AKAP13: variants seen among roughly 807,000 people sequenced by gnomAD.
AKAP13 encodes the protein A-kinase anchor protein 13.
In AKAP13, 80 loss-of-function variants were observed where a neutral mutation model predicts 264.5. The observed-to-expected ratio is 0.30, with a 90% confidence interval of 0.25 to 0.36. The LOEUF (loss-of-function observed/expected upper bound fraction) is 0.36. Ranked by LOEUF, AKAP13 falls within the 10% of genes least tolerant of loss-of-function variation. The pLI, the probability that AKAP13 is intolerant of heterozygous loss-of-function variation, is 1.00. For missense variants in AKAP13, 3,712 were observed against 3,435.2 expected (o/e 1.08, Z -2.01); for synonymous variants, 1,380 against 1,250.2 (o/e 1.10, Z -2.19).
At chr15:85,731,509 A>G (rs2088029208) in intron 30 of AKAP13, among the ~76,000 whole-genome samples, 1 of 152,050 alleles carries the variant, frequency 6.6e-6, no homozygotes, top group Non-Finnish European at 1.5e-5. Flanking sequence ...TTTTATTCAT[A>G]CAGTCCTGTT....
chr15:85,716,526 T>A (rs558365477), intron 20 of AKAP13, among the ~76,000 whole-genome samples: 5 of 152,314 alleles, frequency 3.3e-5, no homozygotes, highest in African/African-American at 1.2e-4. Flanking sequence ...GTAAGATGCC[T>A]GCCTTCCCGT....
chr15:85,631,020 C>T (rs1202371649), intron 8 of AKAP13, among the ~76,000 whole-genome samples: 1 of 151,934 alleles, frequency 6.6e-6, no homozygotes, highest in Non-Finnish European at 1.5e-5. Context: ...AAACAACCAC[C>T]CAGATTTCCA....
intron 1 of AKAP13, among the ~76,000 whole-genome samples, chr15:85,431,329 A>G (rs866896315): frequency 6.6e-6 from 1 of 152,212 alleles, no homozygotes; most frequent in Non-Finnish European, 1.5e-5. Flanking sequence ...AACTCTTTAC[A>G]TTCATACCTT....
At chr15:85,704,218 T>C (rs1008088991) in intron 17 of AKAP13, among the ~76,000 whole-genome samples, 1 of 152,198 alleles carries the variant, frequency 6.6e-6, no homozygotes, top group Non-Finnish European at 1.5e-5. Context: ...GAAGACCTTT[T>C]TTGTCAGAGC....
chr15:85,422,900 T>C (rs1433616180), intron 1 of AKAP13, among the ~76,000 whole-genome samples: 1 of 152,278 alleles, frequency 6.6e-6, no homozygotes, highest in East Asian at 1.9e-4. Flanking sequence ...TATTGTGGGT[T>C]TGGTTTCAGA....
At chr15:85,684,531 G>A (rs2084788802) in intron 15 of AKAP13, 2 of 518,160 alleles carry the variant, frequency 3.9e-6, no homozygotes, top group South Asian at 2.4e-5. Flanking sequence ...ACCACTCAGA[G>A]CAAGACTGTC....
At chr15:85,381,159 C>T (rs921008500) in intron 1 of AKAP13, among the ~76,000 whole-genome samples, 4 of 152,070 alleles carry the variant, frequency 2.6e-5, no homozygotes, top group African/African-American at 9.7e-5. Flanking sequence ...GAATCCTTGC[C>T]CCGGGTCCCC....
intron 1 of AKAP13, among the ~76,000 whole-genome samples, chr15:85,453,686 CCTCAGACACT>C (rs2074174352): frequency 6.6e-6 from 1 of 151,206 alleles, no homozygotes; most frequent in Non-Finnish European, 1.5e-5. Flanking sequence ...CCCTCGGTTG[CCTCAGACACT>C]CTGAAGCTCT....
chr15:85,491,497 T>TTATA (rs67153738), intron 2 of AKAP13, among the ~76,000 whole-genome samples: 2 of 140,692 alleles, frequency 1.4e-5, no homozygotes, highest in Admixed American at 1.5e-4. Context: ...TTATATATAT[T>TTATA]TATTATATAT....
chr15:85,682,827 C>T (rs543443505), intron 15 of AKAP13, among the ~76,000 whole-genome samples: 2 of 152,266 alleles, frequency 1.3e-5, no homozygotes, highest in South Asian at 4.1e-4. Flanking sequence ...GCCACCATGC[C>T]CAGCTAATTT....
intron 8 of AKAP13, among the ~76,000 whole-genome samples, chr15:85,637,962 G>A (rs944635708): frequency 7.1e-5 from 10 of 141,716 alleles, no homozygotes; most frequent in South Asian, 4.5e-4. Context: ...TGCAAGCTTT[G>A]CCTCCCGGGT....
intron 1 of AKAP13, among the ~76,000 whole-genome samples, chr15:85,470,024 A>C (rs113749155): frequency 1.3e-5 from 2 of 152,346 alleles, no homozygotes; most frequent in African/African-American, 4.8e-5. Context: ...GTGATGGCTC[A>C]CGCCGGTAAT....
intron 1 of AKAP13, chr15:85,415,715 C>G: frequency 1.7e-6 from 1 of 583,174 alleles, no homozygotes; most frequent in South Asian, 2.2e-5. Flanking sequence ...CATACCGTTT[C>G]TTTTTTTTTT....
chr15:85,730,164 T>C lies in AKAP13; in HGVS notation c.7088-349T>C, dbSNP rs564987219. 1.4e-4 allele frequency among the ~76,000 whole-genome samples: 22 copies of C among 152,216 alleles called. No homozygotes were observed. The East Asian group carries it at 4.1e-3, about 28-fold the overall frequency. ...GGAAAAAACAACCTAAAAGACCTCA[T>C]TGGATTCAGTCATGAAGTTGAGCTG... On this transcript the variant is annotated intron_variant, in intron 29 of 36. Transcript: ENST00000394518.
At chr15:85,659,449 C>G (rs2083241649) in intron 12 of AKAP13, among the ~76,000 whole-genome samples, 1 of 152,124 alleles carries the variant, frequency 6.6e-6, no homozygotes, top group African/African-American at 2.4e-5. Flanking sequence ...TGGATGCTTT[C>G]TTTAATTCCA....
At chr15:85,624,976 G>T (rs1027962357) in intron 8 of AKAP13, among the ~76,000 whole-genome samples, 6 of 152,314 alleles carry the variant, frequency 3.9e-5, no homozygotes, top group African/African-American at 1.4e-4. Context: ...TTCACCAGAA[G>T]TTTGGATGTT....
intron 1 of AKAP13, among the ~76,000 whole-genome samples, chr15:85,441,559 A>G (rs1467678258): frequency 6.6e-6 from 1 of 152,144 alleles, no homozygotes; most frequent in Non-Finnish European, 1.5e-5. Flanking sequence ...TTGTTGTCAT[A>G]TATCTAAGGG....
rs553254782 is a variant in AKAP13 at position 85,708,495 on chromosome 15, G to T, written c.5532+409G>T. On this transcript the variant is annotated intron_variant, in intron 18 of 36. Coordinates refer to ENST00000394518, the MANE Select transcript of AKAP13 (RefSeq NM_007200.5). This position sits in a 1 kb window ranked among gnomAD's most constrained non-coding sequence, Gnocchi z 4.3. ...GCATTGACCTGCTGGTGGGGGTGGGGAGGGTGTTATGGTTAGCCCCAGCCT... is the reference window on the plus strand; with the variant it reads ...GCATTGACCTGCTGGTGGGGGTGGGTAGGGTGTTATGGTTAGCCCCAGCCT... 1.4e-4 allele frequency among the ~76,000 whole-genome samples: 21 copies of T among 152,236 alleles called. No homozygotes were observed. The South Asian group carries it at 4.4e-3, about 32-fold the overall frequency.
At chr15:85,593,183 G>A (rs1043158044) in intron 8 of AKAP13, among the ~76,000 whole-genome samples, 2 of 151,978 alleles carry the variant, frequency 1.3e-5, no homozygotes, top group African/African-American at 2.4e-5. Context: ...GTGGTGGTGC[G>A]CCCCTGTAAT....
Sources: allele counts gnomAD v4.1 joint callset (sites outside exome capture counted in the v4.1 genomes callset), GRCh38; gene constraint gnomAD v4.1.1; non-coding constraint Gnocchi (gnomAD v3.1); transcripts MANE v1.5; gene names NCBI Gene and HGNC (gene_info 2026-07-23, HGNC 2026-07-21).